FURIN: variants seen among roughly 807,000 people sequenced by gnomAD.
The protein encoded by FURIN is FES upstream region.
FURIN carries 18 observed loss-of-function variants against 89.2 expected under a neutral mutation model. That is an observed-to-expected ratio of 0.20 (90% CI 0.14 to 0.30). The LOEUF (loss-of-function observed/expected upper bound fraction) is 0.30, where lower values mean the gene tolerates loss of function less well. FURIN is among the 10% of genes least tolerant of loss of function. The probability of loss-of-function intolerance (pLI) is 1.00; values close to 1 mark genes in which losing one functional copy is unlikely to be tolerated. For synonymous variants in FURIN, 508 were observed against 466.4 expected (o/e 1.09, Z -1.15); for missense variants, 879 against 1,100.5 (o/e 0.80, Z 2.85).
intron 1 of FURIN, among the ~76,000 whole-genome samples, chr15:90,874,352 G>T (rs996817457): frequency 1.1e-4 from 16 of 152,268 alleles, no homozygotes; most frequent in Non-Finnish European, 1.6e-4. Flanking sequence ...ATTACGCAAG[G>T]CTGGTGGGCG....
intron 1 of FURIN, among the ~76,000 whole-genome samples, chr15:90,873,566 A>G (rs889179684): frequency 2.0e-5 from 3 of 151,462 alleles, no homozygotes; most frequent in African/African-American, 7.3e-5. Flanking sequence ...GAGGAGAGAG[A>G]TGAGGCCCCG....
At chr15:90,880,047 C>T (rs1350461355) in intron 12 of FURIN, 47 bp from the exon 13 acceptor site, 3 of 1,604,308 alleles carry the variant, frequency 1.9e-6, no homozygotes, top group South Asian at 1.1e-5. Flanking sequence ...GGGGTGCCCG[C>T]TGGTCCCTCT....
chr15:90,872,070 C>T (rs919611079), intron 1 of FURIN, among the ~76,000 whole-genome samples: 6 of 151,396 alleles, frequency 4.0e-5, no homozygotes, highest in Admixed American at 6.6e-5. Context: ...GCCGGCTCGC[C>T]CACTCCGCGG....
At chr15:90,874,232 C>G (rs967946562) in intron 1 of FURIN, among the ~76,000 whole-genome samples, 3 of 152,220 alleles carry the variant, frequency 2.0e-5, no homozygotes, top group African/African-American at 7.2e-5. Flanking sequence ...GAGAGAGGTC[C>G]CGCCGTCTGT....
In FURIN at chr15:90,876,600, A is replaced by G. The variant is rs1459569990; in HGVS notation, c.372+43A>G. The G allele has an allele frequency of 2.4e-6, 3 of 1,255,776 alleles. No homozygotes were observed. Among genetic ancestry groups the G allele is most frequent in the African/African-American group, 2.9e-5 (2 of 67,810 alleles). The allele number at this position is 1,255,776 out of a possible 1,614,324, so 77.8% of individuals were successfully genotyped here. On this transcript the variant is annotated intron_variant, in intron 4 of 15. Coordinates refer to ENST00000268171, the MANE Select transcript of FURIN (RefSeq NM_002569.4). This position sits in a 1 kb window ranked among gnomAD's most constrained non-coding sequence, Gnocchi z 5.0. ...CTGCTGGGACCTCCTCCCCAGATGC[A>G]CCATCCACCCACTATGAGCTCTTGG...
intron 1 of FURIN, among the ~76,000 whole-genome samples, chr15:90,875,324 A>G (rs1383744934): frequency 1.3e-5 from 2 of 152,112 alleles, no homozygotes; most frequent in South Asian, 2.1e-4. Context: ...GTGAGCCACC[A>G]TGCCTGGCCC....
Position 90,881,521 on chromosome 15 carries a change from C to T in FURIN, c.2028C>T (p.Ser676=). 1 of 1,611,674 alleles carries T rather than the reference C, an allele frequency of 6.2e-7. No homozygotes were observed. Among genetic ancestry groups the T allele is most frequent in the Non-Finnish European group, 8.5e-7 (1 of 1,179,658 alleles). Reference sequence around the variant, plus strand: ...TGGACCCTGTGGAGCAGACTTGCTCCCGGCAAAGCCAGAGCAGCCGAGAGT... The same window carrying T: ...TGGACCCTGTGGAGCAGACTTGCTCTCGGCAAAGCCAGAGCAGCCGAGAGT... ...ASLDPVEQTC[S]RQSQSSRESP... is the part of the protein sequence containing the mutation. The change falls in exon 16 of 16, where the codon TCC becomes TCT. Residue 676 remains serine, a synonymous_variant. Transcript: ENST00000268171. The surrounding 1 kb of genome is among the most constrained non-coding windows in gnomAD (Gnocchi z 4.3).
At chr15:90,873,772 G>A (rs2031453971) in intron 1 of FURIN, among the ~76,000 whole-genome samples, 1 of 152,196 alleles carries the variant, frequency 6.6e-6, no homozygotes, top group African/African-American at 2.4e-5. Context: ...GTCCTGTGGA[G>A]TCTGCCCGCA....
At chr15:90,872,481 G>T (rs1186480406) in intron 1 of FURIN, among the ~76,000 whole-genome samples, 1 of 152,156 alleles carries the variant, frequency 6.6e-6, no homozygotes, top group Non-Finnish European at 1.5e-5. Flanking sequence ...GGTGAGGGCG[G>T]GTGCTGAGCA....
In FURIN at chr15:90,881,883, C is replaced by T. The variant is rs766132371; in HGVS notation, c.*5C>T. 3.2e-6 allele frequency: 5 copies of T among 1,574,890 alleles called. No homozygotes were observed. The South Asian group carries it at 3.4e-5, about 11-fold the overall frequency. The stretch of plus-strand genomic sequence containing the variant: ...AAAGACCAGAGCGCCCTCTGATGAG[C>T]CCACTGCCCACCCCCTCAAGCCAAT... On this transcript the variant is annotated 3_prime_UTR_variant, in exon 16 of 16. Transcript: ENST00000268171. This position sits in a 1 kb window ranked among gnomAD's most constrained non-coding sequence, Gnocchi z 4.3.
intron 1 of FURIN, among the ~76,000 whole-genome samples, chr15:90,870,669 T>C (rs148352298): frequency 6.6e-6 from 1 of 152,316 alleles, no homozygotes; most frequent in African/African-American, 2.4e-5. Flanking sequence ...CTCAGCCAAG[T>C]AGCACAAACG....
chr15:90,876,920 A>C lies in FURIN; in HGVS notation c.397A>C (p.Asn133His). Residue 133 changes from asparagine to histidine, a missense_variant, in exon 5 of 16, where the codon AAT (asparagine) becomes CAT (histidine). Transcript: ENST00000268171. The surrounding 1 kb of genome is among the most constrained non-coding windows in gnomAD (Gnocchi z 5.0). ...GTCTGGTGTCACTCAGCGGGACCTG[A>C]ATGTGAAGGCGGCCTGGGCGCAGGG... ...YLSGVTQRDLNVKAAWAQGYT... is the reference protein window; with the variant it reads ...YLSGVTQRDLHVKAAWAQGYT... The C allele has an allele frequency of 6.2e-7, 1 of 1,614,136 alleles. No individual in the cohort carries two copies. The highest frequency in any genetic ancestry group is 2.2e-5 in the East Asian group (1 of 44,888).
Position 90,879,976 on chromosome 15 carries a change from C to T in FURIN, c.1368C>T (p.Thr456=), listed in dbSNP as rs763165027. The T allele has an allele frequency of 9.9e-6, 16 of 1,611,682 alleles. No homozygotes were observed. Among genetic ancestry groups the T allele is most frequent in the South Asian group, 9.9e-5 (9 of 91,046 alleles). The part of the protein sequence containing the change: ...PQRKCIIDIL[T]EPKDIGKRLE... ...GGAAGTGCATCATCGACATCCTCAC[C>T]GAGCCCAAGTGAGGGCTGGACCCAG... is the stretch of plus-strand genomic sequence containing the variant. The change falls in exon 12 of 16, where the codon ACC becomes ACT. Residue 456 remains threonine, a synonymous_variant. Coordinates refer to ENST00000268171, the MANE Select transcript of FURIN (RefSeq NM_002569.4).
chr15:90,872,743 C>T (rs570163437), intron 1 of FURIN: 1 of 152,344 alleles, frequency 6.6e-6, no homozygotes, highest in South Asian at 2.1e-4. Flanking sequence ...GCGATAAATT[C>T]ACGGGAGCCT....
chr15:90,878,519 G>A (rs28580438), intron 8 of FURIN, among the ~76,000 whole-genome samples: 9,523 of 152,246 alleles, frequency 0.063, 998 homozygotes, highest in African/African-American at 0.21. Context: ...AGGTCTTGCT[G>A]TGTTACCCAG....
Position 90,880,327 on chromosome 15 carries a change from G to T in FURIN, c.1556+54G>T, listed in dbSNP as rs981933599. ...CCAGCGCCGCCGCCTCTCACAGCCC[G>T]CGTGCTTGCCTTTGCTCGCTCACAC... On this transcript the variant is annotated intron_variant, in intron 13 of 15. Coordinates refer to ENST00000268171, the MANE Select transcript of FURIN (RefSeq NM_002569.4). 6 of 1,436,732 alleles carry T rather than the reference G, an allele frequency of 4.2e-6. No homozygotes were observed. In the South Asian group the frequency reaches 5.1e-5, roughly 12 times the overall value. 89.0% of individuals were successfully genotyped at this position (1,436,732 alleles called of 1,614,324 possible). A position where few individuals can be genotyped will look rare whatever the true frequency, so the allele number is the denominator to read the frequency against.
rs532982898 is a variant in FURIN at position 90,880,457 on chromosome 15, C to G, written c.1556+184C>G. 3.3e-5 allele frequency among the ~76,000 whole-genome samples: 5 copies of G among 152,336 alleles called. No individual in the cohort carries two copies. In the East Asian group the frequency reaches 5.8e-4, roughly 18 times the overall value. ...CCATGTTGCAGGAATCCCTGGCTTG[C>G]AACCATTTAATGTCAGTAGTGTGCC... On this transcript the variant is annotated intron_variant, in intron 13 of 15. Coordinates refer to ENST00000268171, the MANE Select transcript of FURIN (RefSeq NM_002569.4).
intron 1 of FURIN, among the ~76,000 whole-genome samples, chr15:90,872,465 T>C (rs1044470205): frequency 1.3e-5 from 2 of 152,140 alleles, no homozygotes; most frequent in African/African-American, 4.8e-5. Flanking sequence ...CCGGGTGATA[T>C]GGCCTGGTGA....
intron 1 of FURIN, among the ~76,000 whole-genome samples, chr15:90,872,401 A>G (rs976200913): frequency 1.3e-5 from 2 of 152,022 alleles, no homozygotes; most frequent in East Asian, 3.9e-4. Flanking sequence ...GCAGACCCTC[A>G]TCCACCGGAG....
Sources: gnomAD v4.1 joint callset for allele counts (sites outside exome capture counted in the v4.1 genomes callset) on GRCh38, gnomAD v4.1.1 for gene constraint, Gnocchi (gnomAD v3.1) non-coding constraint, MANE v1.5 for transcripts, NCBI Gene and HGNC (gene_info 2026-07-23, HGNC 2026-07-21) for gene names.